U2SURP: variants seen among roughly 807,000 people sequenced by gnomAD.
U2SURP encodes U2 snRNP associated SURP domain containing.
U2SURP carries 9 observed loss-of-function variants against 144.9 expected under a neutral mutation model. The ratio of observed to expected loss-of-function variants is 0.06; its 90% CI spans 0.04 to 0.11. The LOEUF is 0.11. U2SURP is among the 10% of genes least tolerant of loss of function. U2SURP has a pLI of 1.00. For synonymous variants in U2SURP, 408 were observed against 396.8 expected (o/e 1.03, Z -0.33); for missense variants, 724 against 1,226.7 (o/e 0.59, Z 6.12).
Position 143,028,609 on chromosome 3 carries a change from G to C in U2SURP, c.1573G>C (p.Val525Leu), listed in dbSNP as rs751636151. 2.5e-6 allele frequency: 4 copies of C among 1,605,670 alleles called. No individual in the cohort carries two copies. The highest frequency in any genetic ancestry group is 3.4e-6 in the Non-Finnish European group (4 of 1,177,778). ...AGAAGAGCAAGAAACAGAAGCTTTT[G>C]TAGAGGAACCTAGTAAAAAGGGAGC... ...MSEEQETEAF[V>L]EEPSKKGALK... Residue 525 changes from valine (V) to leucine (L), a missense_variant, in exon 16 of 28, where the codon GTA becomes CTA. Around this residue, in one of 13 missense-constraint regions of U2SURP, gnomAD observed 66 missense variants for 95.0 expected, o/e 0.69. Coordinates refer to ENST00000473835, the MANE Select transcript of U2SURP (RefSeq NM_001080415.2).
chr3:143,028,260 A>G (rs551338925), intron 14 of U2SURP, 80 bp from the exon 15 acceptor site: 6 of 1,433,214 alleles, frequency 4.2e-6, no homozygotes, highest in South Asian at 1.3e-5. Flanking sequence ...GGCAAATAAT[A>G]TTTCTCATTT....
intron 23 of U2SURP, among the ~76,000 whole-genome samples, chr3:143,039,414 T>C (rs1933981090): frequency 6.6e-6 from 1 of 151,820 alleles, no homozygotes; most frequent in East Asian, 1.9e-4. Context: ...GGAAAAAATC[T>C]TTTCTTTTGA....
chr3:143,032,469 A>G (rs1234969446), intron 16 of U2SURP, among the ~76,000 whole-genome samples: 1 of 152,242 alleles, frequency 6.6e-6, no homozygotes, highest in East Asian at 1.9e-4. Context: ...AGAACATGAA[A>G]GTTCTTCAGT....
At chr3:143,021,229 GTCTC>G (rs1415538185) in intron 8 of U2SURP, 117 bp from the exon 9 acceptor site, 4 of 1,064,560 alleles carry the variant, frequency 3.8e-6, no homozygotes, top group South Asian at 2.9e-5. Flanking sequence ...GTGTGAAGTG[GTCTC>G]TCTTTTTGTC....
At chr3:143,028,449 T>G (rs760688739) in intron 15 of U2SURP, 34 bp from the exon 16 acceptor site, 1 of 1,606,782 alleles carries the variant, frequency 6.2e-7, no homozygotes, top group East Asian at 2.2e-5. Context: ...CTCTGAGTAA[T>G]TAGACCTTTA....
intron 16 of U2SURP, among the ~76,000 whole-genome samples, chr3:143,031,882 A>G (rs1207037651): frequency 2.0e-5 from 3 of 152,196 alleles, no homozygotes; most frequent in Admixed American, 6.5e-5. Context: ...ATGTATGTTC[A>G]TAATCACTGT....
At chr3:143,002,375 G>A (rs1935582577) in intron 1 of U2SURP, 1 of 152,266 alleles carries the variant, frequency 6.6e-6, no homozygotes, top group African/African-American at 2.4e-5. Flanking sequence ...AGCTACATAC[G>A]ATTAGTAAAT....
At chr3:143,055,604 GTTTTATT>G (rs1935112123) in intron 27 of U2SURP, among the ~76,000 whole-genome samples, 1 of 151,888 alleles carries the variant, frequency 6.6e-6, no homozygotes, top group Non-Finnish European at 1.5e-5. Flanking sequence ...GTTCAGAAAT[GTTTTATT>G]TATCTGGTGA....
chr3:143,028,609 G>A lies in U2SURP; in HGVS notation c.1573G>A (p.Val525Ile), dbSNP rs751636151. The change falls in exon 16 of 28, where the codon GTA (valine) becomes ATA (isoleucine). Residue 525 changes from valine to isoleucine, a missense_variant. By Grantham distance (29) the Val-to-Ile change is conservative (BLOSUM62 3). Around this residue, in one of 13 missense-constraint regions of U2SURP, gnomAD observed 66 missense variants for 95.0 expected, o/e 0.69. Coordinates refer to ENST00000473835, the MANE Select transcript of U2SURP (RefSeq NM_001080415.2). ...MSEEQETEAF[V>I]EEPSKKGALK... is the part of the protein sequence containing the mutation. ...AGAAGAGCAAGAAACAGAAGCTTTT[G>A]TAGAGGAACCTAGTAAAAAGGGAGC... 35 of 1,605,670 alleles carry A rather than the reference G, an allele frequency of 2.2e-5. No homozygotes were observed. Among genetic ancestry groups the A allele is most frequent in the Non-Finnish European group, 2.9e-5 (34 of 1,177,778 alleles).
intron 20 of U2SURP, chr3:143,036,803 T>TA (rs57863198): frequency 0.032 from 5,964 of 183,700 alleles, 333 homozygotes; most frequent in African/African-American, 0.13. Context: ...AATAGTATGA[T>TA]ACGCCCTTTT....
intron 7 of U2SURP, 144 bp from the exon 8 acceptor site, chr3:143,020,455 G>C (rs1196645198): frequency 1.6e-6 from 1 of 614,208 alleles, no homozygotes; most frequent in Non-Finnish European, 2.9e-6. Flanking sequence ...ATAGCTGAGG[G>C]ACCCTCTAAT....
intron 27 of U2SURP, among the ~76,000 whole-genome samples, chr3:143,055,824 A>C (rs955422351): frequency 6.6e-6 from 1 of 152,188 alleles, no homozygotes. Flanking sequence ...CATGAACAGC[A>C]CTTACAAAAT....
In U2SURP at chr3:143,058,294, G is replaced by C. The variant is rs1935241557; in HGVS notation, c.*1844G>C. 2 of 151,890 alleles carry C rather than the reference G, an allele frequency of 1.3e-5. No homozygotes were observed. 9.4% of individuals were successfully genotyped at this position (151,890 alleles called of 1,614,324 possible). The stretch of plus-strand genomic sequence containing the variant: ...AATTGGTCAGGTAATAATCTTTCCA[G>C]TCAAGTTGCAAGGGATGCTTATTTC... On this transcript the variant is annotated 3_prime_UTR_variant, in exon 28 of 28. Transcript: ENST00000473835.
intron 23 of U2SURP, 103 bp from the exon 24 acceptor site, chr3:143,043,014 T>C: frequency 8.6e-7 from 1 of 1,156,580 alleles, no homozygotes. Flanking sequence ...GTTTTGGCTA[T>C]GTTATTTAAG....
chr3:143,039,904 G>A (rs1178178809), intron 23 of U2SURP, among the ~76,000 whole-genome samples: 2 of 151,684 alleles, frequency 1.3e-5, no homozygotes, highest in Non-Finnish European at 3.0e-5. Flanking sequence ...AGTCAGCAAT[G>A]ATGATGACAA....
chr3:143,003,533 C>A (rs902609738), intron 1 of U2SURP, among the ~76,000 whole-genome samples: 2 of 152,122 alleles, frequency 1.3e-5, no homozygotes, highest in African/African-American at 4.8e-5. Flanking sequence ...ATCTTAATTT[C>A]TTTCCCCTCT....
chr3:143,023,190 A>G (rs1369143827), intron 12 of U2SURP, 126 bp downstream of exon 12: 1 of 798,790 alleles, frequency 1.3e-6, no homozygotes. Context: ...TAAAGAAATA[A>G]GTAGATGTGT....
At chr3:143,051,777 G>GT (rs1934880472) in intron 25 of U2SURP, among the ~76,000 whole-genome samples, 1 of 152,054 alleles carries the variant, frequency 6.6e-6, no homozygotes, top group Non-Finnish European at 1.5e-5. Flanking sequence ...TGGAATGCTA[G>GT]TACTGCTCTC....
At chr3:143,016,232 T>C (rs780638967) in intron 4 of U2SURP, 25 bp from the exon 5 acceptor site, 1 of 1,596,244 alleles carries the variant, frequency 6.3e-7, no homozygotes, top group African/African-American at 1.3e-5. Flanking sequence ...TATTGTGTAA[T>C]ATTAATATTT....
Sources: gnomAD v4.1 joint callset for allele counts (sites outside exome capture counted in the v4.1 genomes callset) on GRCh38, gnomAD v4.1.1 for gene constraint, gnomAD v4.1.1 regional missense constraint, MANE v1.5 for transcripts, NCBI Gene and HGNC (gene_info 2026-07-23, HGNC 2026-07-21) for gene names.